Variants in SYT16 observed in about 807,000 individuals in gnomAD.
SYT16 encodes the protein synaptotagmin 16.
SYT16 carries 42 observed loss-of-function variants against 61.4 expected under a neutral mutation model. The ratio of observed to expected loss-of-function variants is 0.68; its 90% CI spans 0.53 to 0.89. The LOEUF is 0.89. Ranked by LOEUF, SYT16 falls within the 40% of genes least tolerant of loss-of-function variation. The pLI is 0.00. For synonymous variants in SYT16, 314 were observed against 302.3 expected (o/e 1.04, Z -0.40); for missense variants, 804 against 807.3 (o/e 1.00, Z 0.05).
At chr14:61,945,827 G>A (rs2050406478) in intron 1 of SYT16, among the ~76,000 whole-genome samples, 1 of 119,994 alleles carries the variant, frequency 8.3e-6, no homozygotes, top group South Asian at 2.9e-4. Context: ...CTGCACTCCA[G>A]CCTGGGCGAC....
intron 1 of SYT16, among the ~76,000 whole-genome samples, chr14:61,877,336 G>A (rs1331606787): frequency 6.6e-6 from 1 of 152,152 alleles, no homozygotes; most frequent in South Asian, 2.1e-4. Flanking sequence ...AGTTAGGTCT[G>A]GGGTCAGGCA....
intron 1 of SYT16, among the ~76,000 whole-genome samples, chr14:61,918,395 G>T (rs1384236323): frequency 6.6e-6 from 1 of 152,114 alleles, no homozygotes; most frequent in Non-Finnish European, 1.5e-5. Flanking sequence ...AAGCCAACAG[G>T]TGGTGATGGC....
intron 2 of SYT16, among the ~76,000 whole-genome samples, chr14:61,972,193 A>C (rs938508947): frequency 6.6e-6 from 1 of 152,242 alleles, no homozygotes; most frequent in African/African-American, 2.4e-5. Flanking sequence ...AATGGCTGCG[A>C]GGAATGACAT....
At chr14:61,899,175 A>C (rs1367025875) in intron 1 of SYT16, among the ~76,000 whole-genome samples, 2 of 152,206 alleles carry the variant, frequency 1.3e-5, no homozygotes, top group African/African-American at 4.8e-5. Flanking sequence ...GAGGAAACTA[A>C]GGCTTTCACA....
Position 61,829,406 on chromosome 14 carries a change from G to T in SYT16, c.-325+16596G>T, listed in dbSNP as rs367651210. Among the ~76,000 whole-genome samples, 152 of 152,178 alleles carry T rather than the reference G, an allele frequency of 1.0e-3. 3 individuals carry two copies. The South Asian group carries it at 0.031, about 31-fold the overall frequency. On this transcript the variant is annotated intron_variant, in intron 1 of 7. Transcript: ENST00000683842. ...GTATGGATTTCTTTGGGTTTCTCCTGTTTAAAGTTTAGTTAGGTTTTTCAA... is the reference window on the plus strand; with the variant it reads ...GTATGGATTTCTTTGGGTTTCTCCTTTTTAAAGTTTAGTTAGGTTTTTCAA...
chr14:61,986,311 T>C (rs2052308900), intron 2 of SYT16, among the ~76,000 whole-genome samples: 1 of 151,880 alleles, frequency 6.6e-6, no homozygotes, highest in Non-Finnish European at 1.5e-5. Flanking sequence ...AAATGCCAAA[T>C]TTATGATGTC....
intron 3 of SYT16, among the ~76,000 whole-genome samples, chr14:62,022,444 C>T (rs937061420): frequency 4.6e-5 from 7 of 151,988 alleles, no homozygotes; most frequent in East Asian, 1.9e-4. Flanking sequence ...GCTGTTTCTG[C>T]GAGTTCTCTT....
Position 62,081,222 on chromosome 14 carries a change from C to T in SYT16, c.1382C>T (p.Pro461Leu). 6.2e-7 allele frequency: 1 copy of T among 1,613,940 alleles called. No individual in the cohort carries two copies. Among genetic ancestry groups the T allele is most frequent in the South Asian group, 1.1e-5 (1 of 91,052 alleles). The change falls in exon 6 of 8, where the codon CCA becomes CTA. Residue 461 changes from proline (P) to leucine (L), a missense_variant. Pro to Leu is a moderately conservative substitution (Grantham distance 98, BLOSUM62 -3). Transcript: ENST00000683842. ...EKLFYLSHLHPEGEMKVTLVL... is the reference protein window; with the variant it reads ...EKLFYLSHLHLEGEMKVTLVL... ...CTATTCTATCTCAGCCACCTGCACC[C>T]AGAAGGGGAAATGAAAGTGACTCTG...
At chr14:61,941,691 C>A (rs1364145396) in intron 1 of SYT16, among the ~76,000 whole-genome samples, 4 of 152,172 alleles carry the variant, frequency 2.6e-5, no homozygotes, top group Non-Finnish European at 4.4e-5. Context: ...CTCTGCAGCT[C>A]CCTTTAGTAC....
At chr14:61,926,202 C>G (rs1394193806) in intron 1 of SYT16, among the ~76,000 whole-genome samples, 2 of 141,766 alleles carry the variant, frequency 1.4e-5, no homozygotes, top group Non-Finnish European at 3.3e-5. Context: ...AAGGAATTTG[C>G]TTTCTTAGGG....
At chr14:61,890,007 C>T (rs2048061284) in intron 1 of SYT16, among the ~76,000 whole-genome samples, 1 of 152,138 alleles carries the variant, frequency 6.6e-6, no homozygotes, top group African/African-American at 2.4e-5. Context: ...CCACTGGGGA[C>T]ATACAATCAG....
chr14:62,072,384 G>GGT (rs139640744), intron 4 of SYT16, among the ~76,000 whole-genome samples: 1,977 of 150,364 alleles, frequency 0.013, 21 homozygotes, highest in East Asian at 0.07. Flanking sequence ...CACATGCAGG[G>GGT]GTGTGTGTGT....
chr14:62,053,563 C>G (rs79052179), intron 3 of SYT16, among the ~76,000 whole-genome samples: 10,456 of 152,184 alleles, frequency 0.069, 465 homozygotes, highest in East Asian at 0.12. Context: ...TCTGCAGAAC[C>G]CTAATACAGT....
intron 1 of SYT16, among the ~76,000 whole-genome samples, chr14:61,897,652 A>C (rs147396114): frequency 1.8e-3 from 278 of 152,268 alleles, no homozygotes; most frequent in African/African-American, 6.5e-3. Flanking sequence ...GAGCTCCTGC[A>C]TAGCAAAAGA....
chr14:61,875,796 C>A (rs149239915), intron 1 of SYT16, among the ~76,000 whole-genome samples: 38 of 152,336 alleles, frequency 2.5e-4, no homozygotes, highest in South Asian at 2.1e-4. Context: ...TTCCTTATGG[C>A]ATCTCTATTC....
rs1566751979 is a variant in SYT16, at chr14:62,000,098, G to GGTTTTTTTTTTTTTTTTTTTTTTT, written c.523+3556_523+3557insGTTTTTTTTTTTTTTTTTTTTTTT. On this transcript the variant is annotated intron_variant, in intron 3 of 7. Transcript: ENST00000683842. ...TTTTCTAATACTTATTTTGTCTCTC[G>GGTTTTTTTTTTTTTTTTTTTTTTT]ATTTTTTTTTTTTTTTTTTTTTTTT... Among the ~76,000 whole-genome samples the GGTTTTTTTTTTTTTTTTTTTTTTT allele has an allele frequency of 3.1e-4, 11 of 35,520 alleles. 1 individual carries two copies. The highest frequency in any genetic ancestry group is 6.4e-4 in the Admixed American group (2 of 3,130). 23.3% of individuals were successfully genotyped at this position (35,520 alleles called of 152,430 possible).
chr14:61,938,848 C>T (rs1460639117), intron 1 of SYT16, among the ~76,000 whole-genome samples: 1 of 152,118 alleles, frequency 6.6e-6, no homozygotes, highest in Non-Finnish European at 1.5e-5. Context: ...AAAGGACAGA[C>T]ATGAGGCTGG....
intron 3 of SYT16, among the ~76,000 whole-genome samples, chr14:61,999,294 T>C (rs530455557): frequency 6.6e-6 from 1 of 151,974 alleles, no homozygotes; most frequent in African/African-American, 2.4e-5. Context: ...AAACTCAATT[T>C]ATTTAATAGG....
intron 3 of SYT16, among the ~76,000 whole-genome samples, chr14:62,013,290 A>G (rs1300870286): frequency 6.6e-6 from 1 of 152,180 alleles, no homozygotes; most frequent in Non-Finnish European, 1.5e-5. Flanking sequence ...ACATCAAGGC[A>G]TTCTCCTCAT....
Sources: gnomAD v4.1 joint callset for allele counts (sites outside exome capture counted in the v4.1 genomes callset) on GRCh38, gnomAD v4.1.1 for gene constraint, MANE v1.5 for transcripts, NCBI Gene and HGNC (gene_info 2026-07-23, HGNC 2026-07-21) for gene names.